Variants in ADAMTS12 observed in about 807,000 individuals in gnomAD.
ADAMTS12 encodes the protein ADAM metallopeptidase with thrombospondin type 1 motif 12, also known as A disintegrin and metalloproteinase with thrombospondin motifs 12.
ADAMTS12 carries 118 observed loss-of-function variants against 167.8 expected under a neutral mutation model. That is an observed-to-expected ratio of 0.70 (90% confidence interval 0.61 to 0.82). The LOEUF (loss-of-function observed/expected upper bound fraction) is 0.82. ADAMTS12 is among the 40% of genes least tolerant of loss of function. The pLI, the probability that ADAMTS12 is intolerant of heterozygous loss-of-function variation, is 0.00. For missense variants in ADAMTS12, 1,916 were observed against 1,998.8 expected, an observed-to-expected ratio of 0.96 and a Z score of 0.79; for synonymous variants, 704 against 716.9, an observed-to-expected ratio of 0.98 and a Z score of 0.29.
intron 2 of ADAMTS12, among the ~76,000 whole-genome samples, chr5:33,756,946 G>T (rs961907667): frequency 1.1e-4 from 17 of 152,200 alleles, no homozygotes; most frequent in African/African-American, 3.1e-4. Flanking sequence ...TTGAGCACTT[G>T]AGATATAGCC....
At chr5:33,563,132 T>A (rs1745828403) in intron 19 of ADAMTS12, among the ~76,000 whole-genome samples, 1 of 152,188 alleles carries the variant, frequency 6.6e-6, no homozygotes, top group Admixed American at 6.5e-5. Flanking sequence ...CTTTAGGATT[T>A]GTTTCTTTTG....
chr5:33,695,778 T>C (rs983252393), intron 3 of ADAMTS12, among the ~76,000 whole-genome samples: 6 of 152,114 alleles, frequency 3.9e-5, no homozygotes, highest in African/African-American at 1.4e-4. Flanking sequence ...TGGAGAGGGA[T>C]GGATGGTGAT....
chr5:33,540,147 G>C (rs1468141898), intron 22 of ADAMTS12, among the ~76,000 whole-genome samples: 1 of 152,262 alleles, frequency 6.6e-6, no homozygotes, highest in Non-Finnish European at 1.5e-5. Context: ...GGCAGACAAG[G>C]AGATTCTCTC....
At chr5:33,711,101 C>T (rs1002067114) in intron 3 of ADAMTS12, among the ~76,000 whole-genome samples, 4 of 152,136 alleles carry the variant, frequency 2.6e-5, no homozygotes, top group African/African-American at 7.2e-5. Flanking sequence ...ATACCATGTC[C>T]TACCCCTGGA....
At chr5:33,765,733 T>C (rs1745508462) in intron 2 of ADAMTS12, among the ~76,000 whole-genome samples, 1 of 152,266 alleles carries the variant, frequency 6.6e-6, no homozygotes, top group Non-Finnish European at 1.5e-5. Context: ...ATAAAGATAA[T>C]GGCTCTTGCC....
intron 13 of ADAMTS12, among the ~76,000 whole-genome samples, chr5:33,627,346 G>A (rs1336767292): frequency 1.4e-5 from 2 of 141,952 alleles, no homozygotes; most frequent in Non-Finnish European, 1.5e-5. Context: ...AGTGATGGTA[G>A]TGATGGTGGT....
At chr5:33,588,908 C>T in intron 17 of ADAMTS12, 99 bp from the exon 18 acceptor site, 2 of 1,450,326 alleles carry the variant, frequency 1.4e-6, no homozygotes, top group Middle Eastern at 2.4e-4. Context: ...GATCACAGGG[C>T]TGGAAGGGCC....
intron 2 of ADAMTS12, among the ~76,000 whole-genome samples, chr5:33,855,142 C>T (rs1236531472): frequency 6.6e-6 from 1 of 152,236 alleles, no homozygotes; most frequent in East Asian, 1.9e-4. Context: ...GAAACGGTCA[C>T]ATTCTTTGAT....
intron 1 of ADAMTS12, chr5:33,888,106 A>C (rs1750702267): frequency 6.6e-6 from 1 of 152,188 alleles, no homozygotes; most frequent in Non-Finnish European, 1.5e-5. Context: ...AGCAGGGGCC[A>C]CGCTAATCTT....
chr5:33,741,378 C>T (rs1744572193), intron 3 of ADAMTS12, among the ~76,000 whole-genome samples: 1 of 152,162 alleles, frequency 6.6e-6, no homozygotes, highest in East Asian at 1.9e-4. Context: ...GGGGACTTTC[C>T]TCTGGACATG....
chr5:33,810,789 T>C (rs1366323089), intron 2 of ADAMTS12, among the ~76,000 whole-genome samples: 5 of 152,204 alleles, frequency 3.3e-5, no homozygotes, highest in African/African-American at 4.8e-5. Flanking sequence ...AAGCCTATCT[T>C]TACTTGACTC....
intron 3 of ADAMTS12, among the ~76,000 whole-genome samples, chr5:33,685,832 T>C (rs1272931597): frequency 6.6e-6 from 1 of 152,170 alleles, no homozygotes; most frequent in South Asian, 2.1e-4. Context: ...ATTTTATCAA[T>C]GGTTTCTAAC....
intron 2 of ADAMTS12, among the ~76,000 whole-genome samples, chr5:33,799,952 G>C (rs1746933342): frequency 6.6e-6 from 1 of 152,190 alleles, no homozygotes; most frequent in Non-Finnish European, 1.5e-5. Flanking sequence ...AGTATTTTCT[G>C]GGTTAGTGGG....
chr5:33,539,294 C>T (rs1744569838), intron 22 of ADAMTS12, among the ~76,000 whole-genome samples: 1 of 152,108 alleles, frequency 6.6e-6, no homozygotes, highest in Non-Finnish European at 1.5e-5. Flanking sequence ...ATGCAATAAG[C>T]AAGCTTAGGG....
At chr5:33,799,230 C>G (rs1399547001) in intron 2 of ADAMTS12, among the ~76,000 whole-genome samples, 2 of 152,168 alleles carry the variant, frequency 1.3e-5, no homozygotes, top group Non-Finnish European at 1.5e-5. Context: ...CTCAATGTTG[C>G]TATATTGGTT....
chr5:33,847,231 T>G (rs1748977442), intron 2 of ADAMTS12, among the ~76,000 whole-genome samples: 1 of 151,698 alleles, frequency 6.6e-6, no homozygotes, highest in Non-Finnish European at 1.5e-5. Flanking sequence ...TCTTCACGTA[T>G]CCACAAGCAT....
At chr5:33,677,784 G>A (rs769829854) in intron 5 of ADAMTS12, among the ~76,000 whole-genome samples, 2 of 152,136 alleles carry the variant, frequency 1.3e-5, no homozygotes, top group Admixed American at 6.5e-5. Flanking sequence ...TCAGAACATG[G>A]TTTTGTATAC....
intron 2 of ADAMTS12, among the ~76,000 whole-genome samples, chr5:33,763,982 A>G (rs1026961597): frequency 2.0e-5 from 3 of 152,188 alleles, no homozygotes; most frequent in Admixed American, 6.5e-5. Flanking sequence ...GTTAAGAACA[A>G]AAGAAATACC....
At chr5:33,567,821 A>G (rs1746087713) in intron 19 of ADAMTS12, among the ~76,000 whole-genome samples, 1 of 152,220 alleles carries the variant, frequency 6.6e-6, no homozygotes, top group Non-Finnish European at 1.5e-5. Context: ...TTTCATATGT[A>G]ATATGACCAA....
Sources: gnomAD v4.1 joint callset for allele counts (sites outside exome capture counted in the v4.1 genomes callset) on GRCh38, gnomAD v4.1.1 for gene constraint, MANE v1.5 for transcripts, NCBI Gene and HGNC (gene_info 2026-07-23, HGNC 2026-07-21) for gene names.